Variants in MYO5C observed in about 807,000 individuals in gnomAD.
MYO5C encodes the protein unconventional myosin-Vc.
Under a neutral mutation model 235.7 loss-of-function variants are expected in MYO5C, and 194 were observed. The observed-to-expected ratio is 0.82, with a 90% CI of 0.73 to 0.93. MYO5C has a LOEUF of 0.93. Among genes scored for constraint, MYO5C ranks in the 40% least tolerant of loss-of-function variants. The probability of loss-of-function intolerance (pLI) is 0.00; values close to 1 mark genes in which losing one functional copy is unlikely to be tolerated. For missense variants in MYO5C, 2,038 were observed against 2,127.2 expected, an observed-to-expected ratio of 0.96 and a Z score of 0.82; for synonymous variants, 707 against 754.8, an observed-to-expected ratio of 0.94 and a Z score of 1.04.
chr15:52,282,617 C>T (rs2037182170), intron 2 of MYO5C, among the ~76,000 whole-genome samples, 165 bp downstream of exon 2: 1 of 152,180 alleles, frequency 6.6e-6, no homozygotes, highest in Non-Finnish European at 1.5e-5. Context: ...AGTACAGACA[C>T]ATCAGTGAGT....
intron 28 of MYO5C, 100 bp from the exon 29 acceptor site, chr15:52,223,824 G>A (rs960007001): frequency 4.9e-5 from 51 of 1,050,664 alleles, no homozygotes; most frequent in South Asian, 1.5e-4. Flanking sequence ...AGCCGTGCAC[G>A]AAGTACATCA....
chr15:52,254,468 C>A (rs1402915079), intron 11 of MYO5C, among the ~76,000 whole-genome samples: 1 of 152,132 alleles, frequency 6.6e-6, no homozygotes, highest in Non-Finnish European at 1.5e-5. Context: ...GGCACCGGCA[C>A]TTCTACACTT....
intron 11 of MYO5C, 142 bp downstream of exon 11, chr15:52,256,497 A>C (rs1226903246): frequency 6.6e-6 from 4 of 606,742 alleles, no homozygotes; most frequent in Non-Finnish European, 1.2e-5. Flanking sequence ...TGGTGCAGTG[A>C]CCCAGCGTGA....
At position 52,271,711 on chromosome 15, in the gene MYO5C, A is replaced by G. The variant is rs376843380; in HGVS notation, c.832+52T>C. 2.8e-5 allele frequency: 30 copies of G among 1,056,234 alleles called. No homozygotes were observed. The African/African-American group carries it at 4.7e-4, about 17-fold the overall frequency. The allele number at this position is 1,056,234 out of a possible 1,614,324, so 65.4% of individuals were successfully genotyped here. A position where few individuals can be genotyped will look rare whatever the true frequency, so the allele number is the denominator to read the frequency against. On this transcript the variant is annotated intron_variant, in intron 7 of 40. Transcript: ENST00000261839. Reference sequence around the variant, plus strand: ...ACTATAAGAAGAAAGTTAACCTAGAATTTAAGCCCTCCATAAAAGAGAGAC... The same window carrying G: ...ACTATAAGAAGAAAGTTAACCTAGAGTTTAAGCCCTCCATAAAAGAGAGAC...
chr15:52,288,710 C>A (rs1184515445), intron 1 of MYO5C, among the ~76,000 whole-genome samples: 1 of 152,238 alleles, frequency 6.6e-6, no homozygotes, highest in African/African-American at 2.4e-5. Flanking sequence ...CAGCTGTCAA[C>A]TGACCTCCAG....
chr15:52,253,368 G>T lies in MYO5C; in HGVS notation c.1485C>A (p.Asp495Glu), dbSNP rs770739834. 3 of 1,613,134 alleles carry T rather than the reference G, an allele frequency of 1.9e-6. No homozygotes were observed. The highest frequency in any genetic ancestry group is 3.3e-5 in the Admixed American group (2 of 59,950). Residue 495 changes from aspartate to glutamate, a missense_variant, in exon 12 of 41, where the codon GAC becomes GAA. Asp to Glu is a conservative substitution (Grantham distance 45). Transcript: ENST00000261839. ...IDFYDNQPVI[D>E]LIEAKMGILE... ...GAATTCCCATTTTTGCTTCAATCAGGTCAATAACTGGTTGATTGTCATAAA... is the reference window on the plus strand; with the variant it reads ...GAATTCCCATTTTTGCTTCAATCAGTTCAATAACTGGTTGATTGTCATAAA...
intron 24 of MYO5C, among the ~76,000 whole-genome samples, chr15:52,230,233 A>G (rs768089470): frequency 2.0e-4 from 30 of 152,232 alleles, no homozygotes; most frequent in Admixed American, 5.2e-4. Context: ...CAAGCCCAAC[A>G]CAGCCCACAG....
At position 52,264,304 on chromosome 15, in the gene MYO5C, C is replaced by T; in HGVS notation, c.941-8G>A. 1 of 1,605,156 alleles carries T rather than the reference C, an allele frequency of 6.2e-7. No homozygotes were observed. The highest frequency in any genetic ancestry group is 1.7e-4 in the Middle Eastern group (1 of 6,004). On this transcript the variant is annotated splice_region_variant and splice_polypyrimidine_tract_variant and intron_variant, in intron 8 of 40. Transcript: ENST00000261839. ...GAAAATCCTCCTTGAAACCTAAAAACAAACATTTTCCCAGATTAGAATACT... is the reference window on the plus strand; with the variant it reads ...GAAAATCCTCCTTGAAACCTAAAAATAAACATTTTCCCAGATTAGAATACT...
At chr15:52,203,448 C>T (rs765351708) in intron 38 of MYO5C, among the ~76,000 whole-genome samples, 4 of 152,138 alleles carry the variant, frequency 2.6e-5, no homozygotes, top group Admixed American at 6.5e-5. Flanking sequence ...CGGGTTCAAG[C>T]GATTCTCCTG....
Position 52,247,478 on chromosome 15 carries a change from G to A in MYO5C, c.1861C>T (p.Arg621Trp), listed in dbSNP as rs765928784. The A allele has an allele frequency of 6.0e-5, 97 of 1,614,014 alleles. No individual in the cohort carries two copies. Among genetic ancestry groups the A allele is most frequent in the Non-Finnish European group, 6.8e-5 (80 of 1,180,020 alleles). The change falls in exon 15 of 41, where the codon CGG (arginine) becomes TGG (tryptophan). Residue 621 changes from arginine to tryptophan, a missense_variant. Arg to Trp is a moderately radical substitution (Grantham distance 101, BLOSUM62 -3). Coordinates refer to ENST00000261839, the MANE Select transcript of MYO5C (RefSeq NM_018728.4). ...QVIKPNSKHF[R>W]TTVGSKFRSS... ...AGTACCTTGCTCCCAACTGTGGTCCGGAAATGCTTGCTGTTTGGCTTGATG... is the reference window on the plus strand; with the variant it reads ...AGTACCTTGCTCCCAACTGTGGTCCAGAAATGCTTGCTGTTTGGCTTGATG...
intron 15 of MYO5C, among the ~76,000 whole-genome samples, 193 bp downstream of exon 15, chr15:52,247,265 T>C (rs959649812): frequency 2.6e-5 from 4 of 152,210 alleles, no homozygotes; most frequent in Non-Finnish European, 5.9e-5. Flanking sequence ...GAGCGTGGTT[T>C]GCTCCAGTGC....
chr15:52,282,421 A>G (rs2037179116), intron 2 of MYO5C, among the ~76,000 whole-genome samples: 1 of 152,058 alleles, frequency 6.6e-6, no homozygotes, highest in African/African-American at 2.4e-5. Context: ...CAAGTTTTTC[A>G]TCTCTGCCCA....
At chr15:52,206,560 G>T (rs900362902) in intron 36 of MYO5C, among the ~76,000 whole-genome samples, 5 of 152,244 alleles carry the variant, frequency 3.3e-5, no homozygotes, top group East Asian at 1.9e-4. Flanking sequence ...GAGAGAGCTT[G>T]CCCTCTCTCT....
At chr15:52,228,207 G>A (rs1041244787) in intron 25 of MYO5C, among the ~76,000 whole-genome samples, 11 of 151,606 alleles carry the variant, frequency 7.3e-5, no homozygotes, top group Admixed American at 6.6e-5. Context: ...GCAGTGGCGC[G>A]ATCTCGGCTC....
intron 14 of MYO5C, among the ~76,000 whole-genome samples, chr15:52,248,258 C>T (rs1450546436): frequency 6.6e-6 from 1 of 152,158 alleles, no homozygotes; most frequent in Non-Finnish European, 1.5e-5. Flanking sequence ...TCTTCCCCAC[C>T]TCAGCCTCCC....
intron 39 of MYO5C, 59 bp downstream of exon 39, chr15:52,196,250 T>G (rs1428958584): frequency 6.8e-7 from 1 of 1,478,972 alleles, no homozygotes; most frequent in Non-Finnish European, 9.0e-7. Flanking sequence ...AGAAAGGCAA[T>G]GCCCACTGCA....
At chr15:52,213,864 C>T (rs981552788) in intron 33 of MYO5C, among the ~76,000 whole-genome samples, 3 of 152,220 alleles carry the variant, frequency 2.0e-5, no homozygotes, top group African/African-American at 4.8e-5. Flanking sequence ...GACCTGGGCC[C>T]TGCTCTCATG....
intron 20 of MYO5C, among the ~76,000 whole-genome samples, chr15:52,241,198 C>A (rs992144444): frequency 2.6e-4 from 39 of 151,582 alleles, no homozygotes; most frequent in Admixed American, 2.5e-3. Flanking sequence ...CCCTGGACAT[C>A]CCATCTGGCT....
chr15:52,239,065 C>T (rs1449474673), intron 21 of MYO5C, among the ~76,000 whole-genome samples: 1 of 152,182 alleles, frequency 6.6e-6, no homozygotes, highest in Non-Finnish European at 1.5e-5. Flanking sequence ...AATTCTCTTG[C>T]CTCAGCCTCC....
Sources: allele counts gnomAD v4.1 joint callset (sites outside exome capture counted in the v4.1 genomes callset), GRCh38; gene constraint gnomAD v4.1.1; transcripts MANE v1.5; gene names NCBI Gene and HGNC (gene_info 2026-07-23, HGNC 2026-07-21).